The following STX6 variants were observed in gnomAD, a reference collection of about 807,000 sequenced individuals.
The protein encoded by STX6 is syntaxin-6.
STX6 carries 23 observed loss-of-function variants against 38.0 expected under a neutral mutation model. The observed-to-expected ratio is 0.60, with a 90% CI of 0.43 to 0.86. STX6 has a LOEUF of 0.86. Ranked by LOEUF, STX6 falls within the 40% of genes least tolerant of loss-of-function variation. The pLI, the probability that STX6 is intolerant of heterozygous loss-of-function variation, is 0.00. For synonymous variants in STX6, 123 were observed against 107.5 expected (o/e 1.14, Z -0.89); for missense variants, 274 against 312.9 (o/e 0.88, Z 0.94).
chr1:180,985,196 A>T (rs1347669882), intron 6 of STX6, among the ~76,000 whole-genome samples: 1 of 152,226 alleles, frequency 6.6e-6, no homozygotes, highest in Admixed American at 6.5e-5. Flanking sequence ...CAGAACTGCA[A>T]GACTATAGAC....
chr1:181,000,441 A>G (rs552784585), intron 3 of STX6, among the ~76,000 whole-genome samples: 3 of 152,196 alleles, frequency 2.0e-5, no homozygotes. Flanking sequence ...TGACAGAGCA[A>G]AGTGGGAAGA....
At chr1:181,007,702 G>A (rs1203086779) in intron 1 of STX6, among the ~76,000 whole-genome samples, 1 of 152,118 alleles carries the variant, frequency 6.6e-6, no homozygotes, top group African/African-American at 2.4e-5. Context: ...TTGGTCTCAG[G>A]AGACTCCTTT....
intron 3 of STX6, among the ~76,000 whole-genome samples, chr1:180,994,944 A>C (rs1571337352): frequency 7.3e-6 from 1 of 137,146 alleles, no homozygotes; most frequent in Non-Finnish European, 1.6e-5. Context: ...GCACAACCAT[A>C]TGTATCAAGA....
At chr1:181,002,733 T>C in intron 2 of STX6, 33 bp from the exon 3 acceptor site, 1 of 1,426,308 alleles carries the variant, frequency 7.0e-7, no homozygotes, top group Non-Finnish European at 9.9e-7. Context: ...AACAATTTCA[T>C]CATCAAAGCC....
intron 7 of STX6, among the ~76,000 whole-genome samples, chr1:180,983,181 G>A (rs1057039493): frequency 3.3e-5 from 5 of 152,196 alleles, no homozygotes; most frequent in African/African-American, 4.8e-5. Flanking sequence ...GAGCCCCAGA[G>A]AACTGTTATG....
In STX6 at chr1:181,002,589, A is replaced by G. The variant is rs771543957; in HGVS notation, c.300+17T>C. On this transcript the variant is annotated intron_variant, in intron 3 of 7. Transcript: ENST00000258301. ...CTATTTCTTATACAGATAACACAAT[A>G]AGATCATATTCCTTACCCTGACAAC... 2 of 1,570,632 alleles carry G rather than the reference A, an allele frequency of 1.3e-6. No individual in the cohort carries two copies. Among genetic ancestry groups the G allele is most frequent in the African/African-American group, 1.4e-5 (1 of 73,964 alleles).
intron 1 of STX6, among the ~76,000 whole-genome samples, chr1:181,008,445 A>G (rs758548230): frequency 3.5e-4 from 54 of 152,192 alleles, no homozygotes; most frequent in Non-Finnish European, 4.7e-4. Context: ...TCTTTTGAGC[A>G]TCTTGTTGGT....
At chr1:180,983,698 T>G (rs1311744601) in intron 7 of STX6, among the ~76,000 whole-genome samples, 1 of 152,206 alleles carries the variant, frequency 6.6e-6, no homozygotes, top group Non-Finnish European at 1.5e-5. Context: ...TTGTTTTACA[T>G]AAGTTCCCTA....
intron 3 of STX6, among the ~76,000 whole-genome samples, chr1:180,995,322 G>A (rs963328123): frequency 2.6e-5 from 4 of 152,058 alleles, no homozygotes; most frequent in Non-Finnish European, 5.9e-5. Context: ...TCAGACTCTT[G>A]ACGGCACATT....
intron 3 of STX6, among the ~76,000 whole-genome samples, chr1:180,997,080 C>G (rs545914815): frequency 6.6e-6 from 1 of 152,244 alleles, no homozygotes; most frequent in South Asian, 2.1e-4. Flanking sequence ...TGTCAAAGAC[C>G]TAGGTTTAAG....
chr1:181,005,504 C>T (rs958349362), intron 1 of STX6, 41 bp from the exon 2 acceptor site: 1 of 1,590,426 alleles, frequency 6.3e-7, no homozygotes, highest in African/African-American at 1.3e-5. Context: ...TCACAGACAA[C>T]ATTCCATGGT....
At chr1:181,017,506 G>T (rs957969761) in intron 1 of STX6, among the ~76,000 whole-genome samples, 1 of 152,150 alleles carries the variant, frequency 6.6e-6, no homozygotes, top group Non-Finnish European at 1.5e-5. Context: ...CACAGGAGTG[G>T]CTCACTTATA....
At position 180,984,673 on chromosome 1, in the gene STX6, A is replaced by G. The variant is rs373687459; in HGVS notation, c.691+4T>C. 113 of 1,419,340 alleles carry G rather than the reference A, an allele frequency of 8.0e-5. No individual in the cohort carries two copies. Among genetic ancestry groups the G allele is most frequent in the South Asian group, 2.1e-4 (18 of 86,560 alleles). 87.9% of individuals were successfully genotyped at this position (1,419,340 alleles called of 1,614,324 possible). On this transcript the variant is annotated splice_donor_region_variant and intron_variant, in intron 7 of 7. Coordinates refer to ENST00000258301, the MANE Select transcript of STX6 (RefSeq NM_005819.6). ...AATGCTTAAGCTTTAAACGCCATAC[A>G]TACCACTGGTCATATGAGATACTTT...
At chr1:180,989,343 A>C (rs898861007) in intron 5 of STX6, 6 of 151,966 alleles carry the variant, frequency 3.9e-5, no homozygotes, top group African/African-American at 1.5e-4. Context: ...ATACAAAAAA[A>C]AAATTAGCTG....
At chr1:181,015,667 A>T (rs1394008397) in intron 1 of STX6, among the ~76,000 whole-genome samples, 2 of 151,776 alleles carry the variant, frequency 1.3e-5, no homozygotes, top group African/African-American at 4.8e-5. Flanking sequence ...CTTCCACACA[A>T]ATCTTTTTTT....
At chr1:181,005,194 G>T in intron 2 of STX6, 100 bp downstream of exon 2, 1 of 1,515,536 alleles carries the variant, frequency 6.6e-7, no homozygotes, top group South Asian at 1.3e-5. Flanking sequence ...AACATTAATC[G>T]ATTATAAAAT....
At chr1:180,978,667 T>C (rs1655317852) in intron 7 of STX6, among the ~76,000 whole-genome samples, 1 of 152,196 alleles carries the variant, frequency 6.6e-6, no homozygotes, top group African/African-American at 2.4e-5. Context: ...AGAGTCTGAC[T>C]AACCTGGGGG....
At chr1:181,017,573 G>C (rs1393877721) in intron 1 of STX6, among the ~76,000 whole-genome samples, 1 of 152,140 alleles carries the variant, frequency 6.6e-6, no homozygotes, top group East Asian at 1.9e-4. Flanking sequence ...TGATTAGAAG[G>C]TGCAAATTCT....
At chr1:180,993,540 C>A in intron 3 of STX6, 115 bp from the exon 4 acceptor site, 4 of 518,852 alleles carry the variant, frequency 7.7e-6, no homozygotes, top group South Asian at 6.5e-5. Flanking sequence ...AAAAGAAGAC[C>A]GCATTTCTTG....
Sources: gnomAD v4.1 joint callset for allele counts (sites outside exome capture counted in the v4.1 genomes callset) on GRCh38, gnomAD v4.1.1 for gene constraint, MANE v1.5 for transcripts, NCBI Gene and HGNC (gene_info 2026-07-23, HGNC 2026-07-21) for gene names.